RGS20: variants seen among roughly 807,000 people sequenced by gnomAD.
RGS20 encodes gz-selective GTPase-activating protein.
A neutral mutation model predicts 33.6 loss-of-function variants in RGS20; 30 were observed. That is an observed-to-expected ratio of 0.89 (90% CI 0.67 to 1.21). RGS20 has a LOEUF of 1.21. RGS20 is among the 50% of genes most tolerant of loss of function. RGS20 has a pLI of 0.00. For missense variants in RGS20, 472 were observed against 502.4 expected, an observed-to-expected ratio of 0.94 and a Z score of 0.58; for synonymous variants, 208 against 197.9, an observed-to-expected ratio of 1.05 and a Z score of -0.43.
intron 1 of RGS20, among the ~76,000 whole-genome samples, chr8:53,868,097 G>T (rs1811962014): frequency 6.6e-6 from 1 of 152,164 alleles, no homozygotes; most frequent in Non-Finnish European, 1.5e-5. Flanking sequence ...GCAGCCATGT[G>T]ACTAACTGAG....
intron 1 of RGS20, among the ~76,000 whole-genome samples, chr8:53,859,249 T>G (rs914230818): frequency 2.6e-5 from 4 of 152,258 alleles, no homozygotes; most frequent in Non-Finnish European, 4.4e-5. Context: ...GAAGCTGTTG[T>G]GTATGCTGTC....
intron 1 of RGS20, among the ~76,000 whole-genome samples, chr8:53,866,295 A>G (rs566635614): frequency 1.1e-3 from 167 of 152,326 alleles, no homozygotes; most frequent in African/African-American, 3.9e-3. Context: ...AAGGTCTTCT[A>G]TGCCATGTGA....
chr8:53,878,840 C>T (rs1284249385), intron 1 of RGS20, among the ~76,000 whole-genome samples: 1 of 152,166 alleles, frequency 6.6e-6, no homozygotes, highest in Non-Finnish European at 1.5e-5. Flanking sequence ...AGGGGAAGAG[C>T]AACAGTTACA....
intron 1 of RGS20, among the ~76,000 whole-genome samples, chr8:53,866,892 G>A (rs925818833): frequency 2.0e-5 from 3 of 152,152 alleles, no homozygotes; most frequent in Non-Finnish European, 4.4e-5. Context: ...TGCTTCCTCT[G>A]TAAGGTGGAA....
At chr8:53,878,023 C>A (rs966622564) in intron 1 of RGS20, among the ~76,000 whole-genome samples, 2 of 152,232 alleles carry the variant, frequency 1.3e-5, no homozygotes, top group Non-Finnish European at 2.9e-5. Flanking sequence ...GGCCGCCGCG[C>A]CCCTGGGACC....
intron 3 of RGS20, 133 bp downstream of exon 2, chr8:53,939,857 T>C: frequency 9.7e-7 from 1 of 1,031,154 alleles, no homozygotes. Flanking sequence ...GCAACTACTA[T>C]ATGCCTGACA....
At chr8:53,953,856 C>G (rs1430615338) in intron 4 of RGS20, among the ~76,000 whole-genome samples, 1 of 152,152 alleles carries the variant, frequency 6.6e-6, no homozygotes, top group Non-Finnish European at 1.5e-5. Context: ...GGTTTGCAAG[C>G]CTTTTGGTAT....
intron 2 of RGS20, among the ~76,000 whole-genome samples, chr8:53,899,566 C>T (rs1335539285): frequency 6.6e-6 from 1 of 152,206 alleles, no homozygotes; most frequent in Admixed American, 6.5e-5. Context: ...AGCCGTCAAC[C>T]ACCAAGTCCC....
intron 4 of RGS20, among the ~76,000 whole-genome samples, chr8:53,947,410 ACATT>A (rs1373743827): frequency 7.2e-6 from 1 of 139,830 alleles, no homozygotes; most frequent in African/African-American, 2.6e-5. Context: ...AAGATATAGT[ACATT>A]TATATATGCT....
intron 2 of RGS20, among the ~76,000 whole-genome samples, chr8:53,937,291 TAATA>T (rs1554523940): frequency 2.0e-4 from 31 of 151,362 alleles, no homozygotes; most frequent in East Asian, 9.7e-4. Context: ...TAAAGTATAA[TAATA>T]AATAAATAAA....
chr8:53,878,046 A>C (rs925143972), intron 1 of RGS20, among the ~76,000 whole-genome samples: 1 of 152,198 alleles, frequency 6.6e-6, no homozygotes, highest in African/African-American at 2.4e-5. Flanking sequence ...CGCCCAACCC[A>C]GAACACCCGC....
chr8:53,883,181 A>T, intron 2 of RGS20, among the ~76,000 whole-genome samples: 3 of 143,012 alleles, frequency 2.1e-5, no homozygotes, highest in African/African-American at 5.2e-5. Context: ...TTTGAGACTG[A>T]GTTTCGCTCT....
At chr8:53,935,187 C>A (rs1301163280) in intron 2 of RGS20, among the ~76,000 whole-genome samples, 1 of 152,070 alleles carries the variant, frequency 6.6e-6, no homozygotes, top group Non-Finnish European at 1.5e-5. Context: ...ACCCTAACAT[C>A]ACAATTAAAG....
At chr8:53,864,609 A>T (rs1811881827) in intron 1 of RGS20, among the ~76,000 whole-genome samples, 1 of 152,098 alleles carries the variant, frequency 6.6e-6, no homozygotes, top group South Asian at 2.1e-4. Context: ...CTCCATCTGC[A>T]GATGGACCTC....
At chr8:53,862,919 G>A (rs112772763) in intron 1 of RGS20, among the ~76,000 whole-genome samples, 4 of 152,236 alleles carry the variant, frequency 2.6e-5, no homozygotes, top group Non-Finnish European at 5.9e-5. Context: ...ATCACAAGGG[G>A]AGGGGGAAAT....
intron 2 of RGS20, among the ~76,000 whole-genome samples, chr8:53,902,040 C>T (rs1813047039): frequency 6.6e-6 from 1 of 151,672 alleles, no homozygotes; most frequent in Non-Finnish European, 1.5e-5. Flanking sequence ...TTCTTTGAGT[C>T]AGGGTCTCGC....
chr8:53,939,358 G>C (rs1229787086), intron 2 of RGS20, among the ~76,000 whole-genome samples: 1 of 152,206 alleles, frequency 6.6e-6, no homozygotes, highest in Non-Finnish European at 1.5e-5. Flanking sequence ...TTTATCCCTG[G>C]AATGTATCTC....
rs977220830 is a variant in RGS20 at position 53,949,220 on chromosome 8, T to C, written c.743+2472T>C. On this transcript the variant is annotated intron_variant, in intron 4 of 5. Coordinates refer to ENST00000297313, the MANE Select transcript of RGS20 (RefSeq NM_170587.4). ...TATGCTATATAAGATACAGTATATA[T>C]TTATATATACTATATATAAGATACA... is the stretch of plus-strand genomic sequence containing the variant. 4.2e-3 allele frequency among the ~76,000 whole-genome samples: 606 copies of C among 143,654 alleles called. 9 individuals are homozygous for C. The highest frequency in any genetic ancestry group is 0.011 in the Middle Eastern group (3 of 266). The allele number at this position is 143,654 out of a possible 152,430, so 94.2% of individuals were successfully genotyped here. A position where few individuals can be genotyped will look rare whatever the true frequency, so the allele number is the denominator to read the frequency against.
intron 2 of RGS20, among the ~76,000 whole-genome samples, chr8:53,887,504 T>C (rs947221544): frequency 6.6e-6 from 1 of 152,082 alleles, no homozygotes; most frequent in African/African-American, 2.4e-5. Context: ...CACCTGAGGT[T>C]GAGGGAAATG....
Sources: gnomAD v4.1 joint callset for allele counts (sites outside exome capture counted in the v4.1 genomes callset) on GRCh38, gnomAD v4.1.1 for gene constraint, MANE v1.5 for transcripts, NCBI Gene and HGNC (gene_info 2026-07-23, HGNC 2026-07-21) for gene names.